Variants in HECW1 observed in about 807,000 individuals in gnomAD.
HECW1 encodes the protein E3 ubiquitin-protein ligase HECW1.
In HECW1, 61 loss-of-function variants were observed where a neutral mutation model predicts 182.3. The observed-to-expected ratio is 0.33, with a 90% CI of 0.27 to 0.41. The LOEUF (loss-of-function observed/expected upper bound fraction) is 0.41, where lower values mean the gene tolerates loss of function less well. HECW1 is among the 10% of genes least tolerant of loss of function. The probability of loss-of-function intolerance (pLI) is 1.00; values close to 1 mark genes in which losing one functional copy is unlikely to be tolerated. For missense variants in HECW1, 1,739 were observed against 2,108.9 expected (o/e 0.82, Z 3.44); for synonymous variants, 859 against 832.6 (o/e 1.03, Z -0.55).
Position 43,554,441 on chromosome 7 carries a change from T to C in HECW1, c.4511-151T>C. ...CTTGACCTGGTTGCACAAATTGTTT[T>C]AGACCTCTCTAAAGGCCATCACAAG... On this transcript the variant is annotated intron_variant, in intron 28 of 29. Coordinates refer to ENST00000395891, the MANE Select transcript of HECW1 (RefSeq NM_015052.5). The C allele has an allele frequency of 7.4e-6, 5 of 672,032 alleles. No individual in the cohort carries two copies. The South Asian group carries it at 9.6e-5, about 13-fold the overall frequency. 41.6% of individuals were successfully genotyped at this position (672,032 alleles called of 1,614,324 possible).
intron 24 of HECW1, among the ~76,000 whole-genome samples, chr7:43,516,507 T>A (rs973021926): frequency 6.6e-6 from 1 of 152,222 alleles, no homozygotes; most frequent in Admixed American, 6.5e-5. Context: ...CCAACTATTC[T>A]CTCTGAAATC....
At position 43,444,197 on chromosome 7, in the gene HECW1, T is replaced by C; in HGVS notation, c.1046-21T>C. 1 of 1,580,778 alleles carries C rather than the reference T, an allele frequency of 6.3e-7. No homozygotes were observed. Among genetic ancestry groups the C allele is most frequent in the Non-Finnish European group, 8.6e-7 (1 of 1,161,022 alleles). On this transcript the variant is annotated intron_variant, in intron 10 of 29. Transcript: ENST00000395891. This position sits in a 1 kb window ranked among gnomAD's most constrained non-coding sequence, Gnocchi z 4.3. Reference sequence around the variant, plus strand: ...ATGCTCTCTTCTGGGAGAAATGACATATTTTTCTTCTTACCAGCAGATGAT... The same window carrying C: ...ATGCTCTCTTCTGGGAGAAATGACACATTTTTCTTCTTACCAGCAGATGAT...
chr7:43,545,696 C>T (rs561524172), intron 26 of HECW1, among the ~76,000 whole-genome samples: 4 of 151,970 alleles, frequency 2.6e-5, no homozygotes, highest in Non-Finnish European at 5.9e-5. Context: ...TTATTAAGAA[C>T]ATCATAAGGA....
chr7:43,360,633 T>G (rs1815749592), intron 5 of HECW1, among the ~76,000 whole-genome samples: 1 of 152,224 alleles, frequency 6.6e-6, no homozygotes. Flanking sequence ...TGGGGTAGGA[T>G]GGATGCTGAG....
intron 2 of HECW1, among the ~76,000 whole-genome samples, chr7:43,139,182 A>AG (rs1176995941): frequency 6.6e-6 from 1 of 152,130 alleles, no homozygotes; most frequent in Non-Finnish European, 1.5e-5. Context: ...ACCTGACCCT[A>AG]GGGGGGCTGC....
chr7:43,190,889 A>G (rs1793855355), intron 2 of HECW1, among the ~76,000 whole-genome samples: 2 of 152,188 alleles, frequency 1.3e-5, no homozygotes, highest in Admixed American at 1.3e-4. Context: ...GCATGACTTC[A>G]TATCAAATCC....
chr7:43,163,274 G>A (rs958089164), intron 2 of HECW1: 2 of 152,238 alleles, frequency 1.3e-5, no homozygotes, highest in African/African-American at 4.8e-5. Flanking sequence ...CTAGTTTGAG[G>A]ATTGCAAATA....
intron 2 of HECW1, among the ~76,000 whole-genome samples, chr7:43,195,522 C>G (rs1052640131): frequency 6.6e-6 from 1 of 152,132 alleles, no homozygotes; most frequent in Non-Finnish European, 1.5e-5. Context: ...TGTTACTGCC[C>G]CAGAAAGCAG....
intron 8 of HECW1, among the ~76,000 whole-genome samples, chr7:43,424,399 C>T (rs2076289505): frequency 6.6e-6 from 1 of 152,172 alleles, no homozygotes; most frequent in Non-Finnish European, 1.5e-5. Flanking sequence ...GTGGTAGGAT[C>T]GCTTGAGCCC....
chr7:43,297,702 G>A (rs1161432017), intron 3 of HECW1, among the ~76,000 whole-genome samples: 1 of 152,184 alleles, frequency 6.6e-6, no homozygotes, highest in Non-Finnish European at 1.5e-5. Context: ...TTCTTCTCCA[G>A]TGTGTTTATA....
At position 43,456,439 on chromosome 7, in the gene HECW1, C is replaced by T; in HGVS notation, c.2643C>T (p.Leu881=). 4 of 1,613,740 alleles carry T rather than the reference C, an allele frequency of 2.5e-6. No homozygotes were observed. The highest frequency in any genetic ancestry group is 3.4e-6 in the Non-Finnish European group (4 of 1,179,772). Residue 881 remains leucine, a synonymous_variant, in exon 13 of 30, where the codon CTC becomes CTT. Coordinates refer to ENST00000395891, the MANE Select transcript of HECW1 (RefSeq NM_015052.5). The part of the protein sequence containing the change: ...RSGSIQQMEQ[L]NRRYQNIQRT... ...GGTCCATCCAGCAGATGGAGCAACTCAACAGGCGGTTGGTGATCAGTATGC... is the reference window on the plus strand; with the variant it reads ...GGTCCATCCAGCAGATGGAGCAACTTAACAGGCGGTTGGTGATCAGTATGC...
chr7:43,357,371 A>C (rs891418482), intron 5 of HECW1, among the ~76,000 whole-genome samples: 3 of 152,210 alleles, frequency 2.0e-5, no homozygotes, highest in East Asian at 1.9e-4. Context: ...GGTATGTAAT[A>C]GTATTCAGTC....
At position 43,243,879 on chromosome 7, in the gene HECW1, T is replaced by C. The variant is rs776687082; in HGVS notation, c.-27T>C. 6.2e-7 allele frequency: 1 copy of C among 1,613,062 alleles called. No homozygotes were observed. The highest frequency in any genetic ancestry group is 8.5e-7 in the Non-Finnish European group (1 of 1,179,024). The stretch of plus-strand genomic sequence containing the variant: ...CCTCGTTGGACTTTTCCCCAGGAAT[T>C]GATGCGCGTACACGTGGTGGGTCAT... On this transcript the variant is annotated 5_prime_UTR_variant, in exon 3 of 30. Coordinates refer to ENST00000395891, the MANE Select transcript of HECW1 (RefSeq NM_015052.5). The surrounding 1 kb of genome is among the most constrained non-coding windows in gnomAD (Gnocchi z 4.0).
In HECW1 at chr7:43,255,672, G is replaced by A. The variant is rs377597640; in HGVS notation, c.27+11740G>A. Reference sequence around the variant, plus strand: ...AGATTTATTCATAAATATTTGTGACGTGGCTCTTCTGGGCCATGCACTGTG... The same window carrying A: ...AGATTTATTCATAAATATTTGTGACATGGCTCTTCTGGGCCATGCACTGTG... On this transcript the variant is annotated intron_variant, in intron 3 of 29. Coordinates refer to ENST00000395891, the MANE Select transcript of HECW1 (RefSeq NM_015052.5). 7.0e-4 allele frequency among the ~76,000 whole-genome samples: 107 copies of A among 151,788 alleles called. 1 individual carries two copies. The South Asian group carries it at 9.0e-3, about 13-fold the overall frequency.
intron 2 of HECW1, among the ~76,000 whole-genome samples, chr7:43,205,919 T>C (rs1795432788): frequency 6.6e-6 from 1 of 152,176 alleles, no homozygotes; most frequent in Non-Finnish European, 1.5e-5. Context: ...GGGCCCCATC[T>C]TCCTTCCAGC....
intron 2 of HECW1, among the ~76,000 whole-genome samples, chr7:43,207,339 C>T (rs78319396): frequency 2.6e-5 from 4 of 152,160 alleles, no homozygotes; most frequent in African/African-American, 4.8e-5. Context: ...AGCCACCGCA[C>T]GCCGCCTAAA....
chr7:43,343,695 T>G (rs1254480160), intron 5 of HECW1, among the ~76,000 whole-genome samples: 3 of 151,894 alleles, frequency 2.0e-5, no homozygotes, highest in African/African-American at 7.3e-5. Context: ...GTTTCAAGTC[T>G]TTGCTATTGT....
intron 3 of HECW1, among the ~76,000 whole-genome samples, chr7:43,275,936 TA>T (rs1213924364): frequency 3.3e-5 from 5 of 152,218 alleles, no homozygotes; most frequent in Non-Finnish European, 7.3e-5. Context: ...TTTTTGTGGT[TA>T]AAATTGTTTC....
At chr7:43,309,836 G>T (rs1249414183) in intron 3 of HECW1, among the ~76,000 whole-genome samples, 2 of 152,216 alleles carry the variant, frequency 1.3e-5, no homozygotes, top group East Asian at 3.9e-4. Context: ...GAGCCTGGCT[G>T]AGTGCCCAGG....
Sources: gnomAD v4.1 joint callset for allele counts (sites outside exome capture counted in the v4.1 genomes callset) on GRCh38, gnomAD v4.1.1 for gene constraint, Gnocchi (gnomAD v3.1) non-coding constraint, MANE v1.5 for transcripts, NCBI Gene and HGNC (gene_info 2026-07-23, HGNC 2026-07-21) for gene names.